Variants in SLC9A9 observed in about 807,000 individuals in gnomAD.
The protein encoded by SLC9A9 is solute carrier family 9 member A9.
Under a neutral mutation model 77.8 loss-of-function variants are expected in SLC9A9, and 62 were observed. The observed-to-expected ratio is 0.80, with a 90% CI of 0.65 to 0.98. The LOEUF (loss-of-function observed/expected upper bound fraction) is 0.98, where lower values mean the gene tolerates loss of function less well. SLC9A9 is among the 50% of genes least tolerant of loss of function. The pLI is 0.00. For missense variants in SLC9A9, 775 were observed against 774.9 expected (o/e 1.00, Z 0.00); for synonymous variants, 320 against 283.5 (o/e 1.13, Z -1.29).
intron 4 of SLC9A9, among the ~76,000 whole-genome samples, chr3:143,726,556 C>T (rs1225258175): frequency 6.6e-6 from 1 of 152,110 alleles, no homozygotes; most frequent in East Asian, 1.9e-4. Context: ...AATTGTGTTG[C>T]CCCTGAGTAT....
At chr3:143,615,214 C>A (rs1363165286) in intron 6 of SLC9A9, among the ~76,000 whole-genome samples, 4 of 152,202 alleles carry the variant, frequency 2.6e-5, no homozygotes, top group African/African-American at 9.7e-5. Flanking sequence ...TGACAGTCAC[C>A]ACCACGCCTA....
chr3:143,574,098 G>C lies in SLC9A9; in HGVS notation c.990C>G (p.Ala330=). The C allele has an allele frequency of 6.2e-7, 1 of 1,612,970 alleles. No individual in the cohort carries two copies. The highest frequency in any genetic ancestry group is 2.2e-5 in the East Asian group (1 of 44,840). The change falls in exon 8 of 16, where the codon GCC becomes GCG. Residue 330 remains alanine, a synonymous_variant. Coordinates refer to ENST00000316549, the MANE Select transcript of SLC9A9 (RefSeq NM_173653.4). ...SWSAFLSAEA[A]GLTGIVAVLF... Reference sequence around the variant, plus strand: ...GCATGAAGCACTGACCTGTTAGGCCGGCAGCCTCGGCAGACAGGAAGGCAC... The same window carrying C: ...GCATGAAGCACTGACCTGTTAGGCCCGCAGCCTCGGCAGACAGGAAGGCAC...
chr3:143,614,436 G>A (rs903967353), intron 6 of SLC9A9, among the ~76,000 whole-genome samples: 1 of 152,146 alleles, frequency 6.6e-6, no homozygotes, highest in Admixed American at 6.5e-5. Flanking sequence ...GCATATTCAA[G>A]GATATGTCCG....
chr3:143,735,880 C>T (rs1034700318), intron 4 of SLC9A9, among the ~76,000 whole-genome samples: 12 of 152,084 alleles, frequency 7.9e-5, no homozygotes, highest in African/African-American at 2.4e-4. Context: ...CCTCTCTAAG[C>T]GTTAATTTTT....
chr3:143,324,183 C>T (rs2108448344), intron 14 of SLC9A9, among the ~76,000 whole-genome samples: 1 of 152,138 alleles, frequency 6.6e-6, no homozygotes, highest in East Asian at 1.9e-4. Flanking sequence ...AGAACAGCAC[C>T]AGCCTTCCTT....
intron 4 of SLC9A9, among the ~76,000 whole-genome samples, chr3:143,758,214 T>C (rs2006992803): frequency 2.0e-5 from 3 of 152,202 alleles, no homozygotes; most frequent in African/African-American, 4.8e-5. Context: ...GGTATGGATA[T>C]AATTAGCTCC....
intron 13 of SLC9A9, among the ~76,000 whole-genome samples, chr3:143,374,031 A>T (rs2033117246): frequency 6.6e-6 from 1 of 152,192 alleles, no homozygotes; most frequent in Non-Finnish European, 1.5e-5. Flanking sequence ...ACTTCTAAAA[A>T]ACTAGAGATA....
chr3:143,830,886 T>C (rs1354227640), intron 2 of SLC9A9, among the ~76,000 whole-genome samples: 3 of 152,134 alleles, frequency 2.0e-5, no homozygotes, highest in African/African-American at 7.2e-5. Flanking sequence ...AGAAATACAT[T>C]ATCTAATTTG....
At chr3:143,705,050 TAGATATAG>T (rs758599609) in intron 4 of SLC9A9, among the ~76,000 whole-genome samples, 67,226 of 142,024 alleles carry the variant, frequency 0.47, 16,426 homozygotes, top group Non-Finnish European at 0.55. Flanking sequence ...TATATAGATA[TAGATATAG>T]ATATATAGAT....
chr3:143,795,015 G>A lies in SLC9A9; in HGVS notation c.519C>T (p.Ser173=). 6.2e-7 allele frequency: 1 copy of A among 1,613,990 alleles called. No homozygotes were observed. Residue 173 remains serine, a synonymous_variant, in exon 4 of 16, where the codon TCC becomes TCT. Coordinates refer to ENST00000316549, the MANE Select transcript of SLC9A9 (RefSeq NM_173653.4). ...ATGTCACTTACCCTATGACGATGCA[G>A]GAGATGGCAGTTCCCAAGAAGGCAT... ...LTYAFLGTAI[S]CIVIGLIMYG...
chr3:143,736,912 T>C (rs977827474), intron 4 of SLC9A9, among the ~76,000 whole-genome samples: 2 of 152,196 alleles, frequency 1.3e-5, no homozygotes, highest in Non-Finnish European at 2.9e-5. Flanking sequence ...ACATTAAGAA[T>C]GCAGTTACTT....
intron 14 of SLC9A9, chr3:143,314,509 A>G (rs2031135351): frequency 6.6e-6 from 1 of 152,272 alleles, no homozygotes; most frequent in Non-Finnish European, 1.5e-5. Flanking sequence ...GTTTCCACTT[A>G]AAATTGATTA....
rs188857998 is a variant in SLC9A9, at chr3:143,829,899, G to A, written c.378+2120C>T. On this transcript the variant is annotated intron_variant, in intron 2 of 15. Coordinates refer to ENST00000316549, the MANE Select transcript of SLC9A9 (RefSeq NM_173653.4). ...AACATTAAAACAATCCTGCAGAATAGGTTTTAAGCTCCTCACTTCACAAAT... is the reference window on the plus strand; with the variant it reads ...AACATTAAAACAATCCTGCAGAATAAGTTTTAAGCTCCTCACTTCACAAAT... Among the ~76,000 whole-genome samples, 152 of 152,214 alleles carry A rather than the reference G, an allele frequency of 1.0e-3. 1 individual carries two copies. The highest frequency in any genetic ancestry group is 1.9e-3 in the Non-Finnish European group (130 of 68,012).
intron 12 of SLC9A9, among the ~76,000 whole-genome samples, chr3:143,412,441 C>T (rs1448119859): frequency 6.6e-6 from 1 of 152,142 alleles, no homozygotes; most frequent in Admixed American, 6.5e-5. Flanking sequence ...ACCACTAATG[C>T]TTTTGAGCTA....
chr3:143,565,706 A>AG (rs1359524962), intron 8 of SLC9A9, among the ~76,000 whole-genome samples: 1 of 146,356 alleles, frequency 6.8e-6, no homozygotes, highest in African/African-American at 2.5e-5. Context: ...TTTGAGCCTC[A>AG]GGGTTTTGTT....
Position 143,646,088 on chromosome 3 carries a change from CA to C in SLC9A9, c.755+6166del, listed in dbSNP as rs545308559. On this transcript the variant is annotated intron_variant, in intron 6 of 15. Coordinates refer to ENST00000316549, the MANE Select transcript of SLC9A9 (RefSeq NM_173653.4). The stretch of plus-strand genomic sequence containing the variant: ...TCTGTGCAATCTGCACTTAAATGAA[CA>C]TTGCCAATTATTAAGTATGTTAATG... Among the ~76,000 whole-genome samples the C allele has an allele frequency of 6.5e-4, 99 of 152,086 alleles. 1 individual carries two copies. The East Asian group carries it at 0.017, about 27-fold the overall frequency.
intron 4 of SLC9A9, among the ~76,000 whole-genome samples, chr3:143,749,876 T>C (rs949287777): frequency 2.6e-5 from 4 of 152,222 alleles, no homozygotes; most frequent in Admixed American, 2.0e-4. Context: ...GGAAAGTCTA[T>C]ATGCAGATGC....
rs1202198795 is a variant in SLC9A9 at position 143,391,341 on chromosome 3, A to G, written c.1470-9227T>C. ...CCGCTGCTGATACCCAGGCAAACAGAGTCTGCAGTGGACCTCCAGCAAACT... is the reference window on the plus strand; with the variant it reads ...CCGCTGCTGATACCCAGGCAAACAGGGTCTGCAGTGGACCTCCAGCAAACT... On this transcript the variant is annotated intron_variant, in intron 12 of 15. Coordinates refer to ENST00000316549, the MANE Select transcript of SLC9A9 (RefSeq NM_173653.4). Among the ~76,000 whole-genome samples the G allele has an allele frequency of 3.3e-5, 5 of 152,234 alleles. No individual in the cohort carries two copies. In the East Asian group the frequency reaches 9.6e-4, roughly 29 times the overall value.
intron 14 of SLC9A9, among the ~76,000 whole-genome samples, chr3:143,350,509 C>T (rs551253855): frequency 1.2e-4 from 18 of 152,256 alleles, no homozygotes; most frequent in East Asian, 7.7e-4. Flanking sequence ...TTATATGTGC[C>T]GAGCTGCAAT....
Sources: allele counts gnomAD v4.1 joint callset (sites outside exome capture counted in the v4.1 genomes callset), GRCh38; gene constraint gnomAD v4.1.1; transcripts MANE v1.5; gene names NCBI Gene and HGNC (gene_info 2026-07-23, HGNC 2026-07-21).